ATG10: variants seen among roughly 807,000 people sequenced by gnomAD.
The protein encoded by ATG10 is autophagy related 10, also known as ubiquitin-like-conjugating enzyme ATG10.
Under a neutral mutation model 32.1 loss-of-function variants are expected in ATG10, and 30 were observed. The observed-to-expected ratio is 0.94, with a 90% confidence interval of 0.70 to 1.27. The LOEUF is 1.27. Ranked by LOEUF, ATG10 falls within the 50% of genes most tolerant of loss-of-function variation. ATG10 has a pLI of 0.00. For missense variants in ATG10, 233 were observed against 262.3 expected, an observed-to-expected ratio of 0.89 and a Z score of 0.77; for synonymous variants, 87 against 91.5, an observed-to-expected ratio of 0.95 and a Z score of 0.28.
Position 82,031,676 on chromosome 5 carries a change from G to A in ATG10, c.109-26819G>A, listed in dbSNP as rs76405811. On this transcript the variant is annotated intron_variant, in intron 2 of 7. Coordinates refer to ENST00000282185, the MANE Select transcript of ATG10 (RefSeq NM_031482.5). ...TGAGCTCCACCTTGGGAAGGTCTGC[G>A]AAGAGCTGGTGATGGATTTGTACTG... 4.7e-3 allele frequency among the ~76,000 whole-genome samples: 721 copies of A among 152,350 alleles called. 3 individuals carry two copies. Among genetic ancestry groups the A allele is most frequent in the Middle Eastern group, 0.014 (4 of 294 alleles).
chr5:82,057,672 C>T (rs554606636), intron 2 of ATG10, among the ~76,000 whole-genome samples: 1 of 152,072 alleles, frequency 6.6e-6, no homozygotes, highest in Non-Finnish European at 1.5e-5. Flanking sequence ...TATTCTTACA[C>T]ATGACTTTAT....
intron 5 of ATG10, among the ~76,000 whole-genome samples, chr5:82,190,733 C>T (rs1423495633): frequency 2.2e-5 from 3 of 134,236 alleles, no homozygotes; most frequent in African/African-American, 8.7e-5. Flanking sequence ...GAGATCACAC[C>T]ACTGCACTCC....
At chr5:81,980,446 G>A (rs1378283375) in intron 1 of ATG10, among the ~76,000 whole-genome samples, 2 of 151,928 alleles carry the variant, frequency 1.3e-5, no homozygotes, top group African/African-American at 2.4e-5. Context: ...GTGTTCCTTC[G>A]TCTCTCTCAC....
At chr5:82,172,085 C>T (rs1026522616) in intron 4 of ATG10, among the ~76,000 whole-genome samples, 5 of 152,028 alleles carry the variant, frequency 3.3e-5, no homozygotes, top group African/African-American at 1.2e-4. Flanking sequence ...TGGGATTTGT[C>T]CATGAGTGAT....
At chr5:82,077,423 A>T (rs1323241755) in intron 3 of ATG10, among the ~76,000 whole-genome samples, 1 of 152,244 alleles carries the variant, frequency 6.6e-6, no homozygotes, top group Non-Finnish European at 1.5e-5. Context: ...GAGCAGAATC[A>T]TGAATAAATG....
intron 5 of ATG10, among the ~76,000 whole-genome samples, chr5:82,213,563 G>A (rs1039187426): frequency 6.6e-6 from 1 of 152,148 alleles, no homozygotes; most frequent in East Asian, 1.9e-4. Context: ...GAAGATTACT[G>A]GAAACCACCT....
At chr5:81,985,797 C>G (rs1409119699) in intron 1 of ATG10, among the ~76,000 whole-genome samples, 1 of 152,182 alleles carries the variant, frequency 6.6e-6, no homozygotes, top group African/African-American at 2.4e-5. Flanking sequence ...GAGTGTCGCT[C>G]TGTCGCCCAG....
intron 5 of ATG10, among the ~76,000 whole-genome samples, chr5:82,225,267 C>T (rs1490434976): frequency 1.3e-5 from 2 of 152,164 alleles, no homozygotes; most frequent in Admixed American, 6.5e-5. Context: ...ATAACTTATG[C>T]CAGCACTGAC....
chr5:82,012,514 C>A (rs879583358), intron 2 of ATG10, among the ~76,000 whole-genome samples: 1 of 152,070 alleles, frequency 6.6e-6, no homozygotes, highest in Non-Finnish European at 1.5e-5. Context: ...CATAGGCAAC[C>A]CTGACCTCCC....
chr5:82,213,553 G>A (rs934828962), intron 5 of ATG10, among the ~76,000 whole-genome samples: 3 of 152,220 alleles, frequency 2.0e-5, no homozygotes, highest in Non-Finnish European at 2.9e-5. Flanking sequence ...AAGAATTCAG[G>A]AAGATTACTG....
intron 2 of ATG10, among the ~76,000 whole-genome samples, chr5:82,012,964 CT>C (rs1327668079): frequency 2.7e-3 from 377 of 137,760 alleles, no homozygotes; most frequent in Non-Finnish European, 2.7e-3. Context: ...TTCTTTCATT[CT>C]TTTTTTTTTT....
chr5:82,226,280 T>C (rs1258567480), intron 5 of ATG10, among the ~76,000 whole-genome samples: 3 of 152,212 alleles, frequency 2.0e-5, no homozygotes, highest in Non-Finnish European at 4.4e-5. Flanking sequence ...AGATAGGTAG[T>C]TGTTACGTTA....
chr5:82,062,918 CTCT>C (rs1373937262), intron 3 of ATG10, among the ~76,000 whole-genome samples: 2 of 152,148 alleles, frequency 1.3e-5, no homozygotes, highest in Non-Finnish European at 1.5e-5. Context: ...ATGTATTTTC[CTCT>C]TAAGTTCTCT....
chr5:81,979,576 C>T (rs532454214), intron 1 of ATG10, among the ~76,000 whole-genome samples: 1 of 151,988 alleles, frequency 6.6e-6, no homozygotes, highest in Non-Finnish European at 1.5e-5. Context: ...TGCTAAGATA[C>T]GAAGTGTAAA....
At position 81,974,788 on chromosome 5, in the gene ATG10, A is replaced by C. The variant is rs2149649076; in HGVS notation, c.-13+2482A>C. Among the ~76,000 whole-genome samples, 3 of 152,248 alleles carry C rather than the reference A, an allele frequency of 2.0e-5. No homozygotes were observed. The East Asian group carries it at 5.8e-4, about 29-fold the overall frequency. Reference sequence around the variant, plus strand: ...GAGCTATGTCTCCAAGCTTCCTTTGAGTTTTAAGACTGTAAACTTCCTGCA... The same window carrying C: ...GAGCTATGTCTCCAAGCTTCCTTTGCGTTTTAAGACTGTAAACTTCCTGCA... On this transcript the variant is annotated intron_variant, in intron 1 of 7. Transcript: ENST00000282185.
At chr5:82,244,193 G>A (rs1489215074) in intron 5 of ATG10, among the ~76,000 whole-genome samples, 1 of 152,126 alleles carries the variant, frequency 6.6e-6, no homozygotes, top group Non-Finnish European at 1.5e-5. Flanking sequence ...CTCCCTGTGT[G>A]TATTGCTCTT....
chr5:82,084,909 A>G (rs866146114), intron 3 of ATG10, among the ~76,000 whole-genome samples: 7 of 152,226 alleles, frequency 4.6e-5, no homozygotes, highest in Middle Eastern at 3.2e-3. Flanking sequence ...AATGCTAGGA[A>G]GAAACTGCAT....
At position 82,254,744 on chromosome 5, in the gene ATG10, A is replaced by T. The variant is rs1747397930; in HGVS notation, c.*681A>T. 1 of 152,100 alleles carries T rather than the reference A, an allele frequency of 6.6e-6. No homozygotes were observed. Among genetic ancestry groups the T allele is most frequent in the Non-Finnish European group, 1.5e-5 (1 of 68,028 alleles). 9.4% of individuals were successfully genotyped at this position (152,100 alleles called of 1,614,324 possible). A position where few individuals can be genotyped will look rare whatever the true frequency, so the allele number is the denominator to read the frequency against. On this transcript the variant is annotated 3_prime_UTR_variant, in exon 8 of 8. Coordinates refer to ENST00000282185, the MANE Select transcript of ATG10 (RefSeq NM_031482.5). ...AGAAATGTATTTGTGTGTTCATTTTAATGTAAGATATATAAAAATTAAATT... is the reference window on the plus strand; with the variant it reads ...AGAAATGTATTTGTGTGTTCATTTTTATGTAAGATATATAAAAATTAAATT...
intron 3 of ATG10, among the ~76,000 whole-genome samples, chr5:82,139,481 C>A (rs1232634792): frequency 1.5e-5 from 2 of 134,630 alleles, no homozygotes; most frequent in African/African-American, 5.7e-5. Flanking sequence ...GTGGGGAGCG[C>A]CTCTGCCCCG....
Sources: allele counts gnomAD v4.1 joint callset (sites outside exome capture counted in the v4.1 genomes callset), GRCh38; gene constraint gnomAD v4.1.1; transcripts MANE v1.5; gene names NCBI Gene and HGNC (gene_info 2026-07-23, HGNC 2026-07-21).